The following HOPX variants were observed in gnomAD, a reference collection of about 807,000 sequenced individuals.
The protein encoded by HOPX is HOP homeobox, also known as homeodomain-only protein.
HOPX carries 5 observed loss-of-function variants against 11.8 expected under a neutral mutation model. That is an observed-to-expected ratio of 0.43 (90% CI 0.22 to 0.89). HOPX has a LOEUF of 0.89. Among genes scored for constraint, HOPX ranks in the 40% least tolerant of loss-of-function variants. The pLI is 0.28. For missense variants in HOPX, 119 were observed against 120.0 expected (o/e 0.99, Z 0.04); for synonymous variants, 49 against 49.7 (o/e 0.99, Z 0.06).
intron 2 of HOPX, among the ~76,000 whole-genome samples, chr4:56,657,068 T>C (rs1290618639): frequency 6.6e-6 from 1 of 152,228 alleles, no homozygotes; most frequent in Non-Finnish European, 1.5e-5. Context: ...ACCATTACTC[T>C]AGCAAATTTG....
chr4:56,671,889 C>T (rs1016929809), intron 1 of HOPX, among the ~76,000 whole-genome samples: 22 of 152,010 alleles, frequency 1.4e-4, no homozygotes, highest in African/African-American at 1.9e-4. Flanking sequence ...TTGCTTTAGA[C>T]GTCCATTTCA....
chr4:56,653,839 T>G (rs1441108311), intron 3 of HOPX, among the ~76,000 whole-genome samples: 1 of 152,130 alleles, frequency 6.6e-6, no homozygotes, highest in Non-Finnish European at 1.5e-5. Context: ...TATGCAGAGG[T>G]CTGAATTGGC....
chr4:56,655,728 G>C (rs889576249), intron 3 of HOPX, 129 bp downstream of exon 3: 3 of 1,118,626 alleles, frequency 2.7e-6, no homozygotes, highest in African/African-American at 1.6e-5. Flanking sequence ...CCTGGGATGC[G>C]GGCAGAAGCG....
intron 3 of HOPX, among the ~76,000 whole-genome samples, chr4:56,655,440 C>T (rs1222907600): frequency 6.6e-6 from 1 of 152,200 alleles, no homozygotes; most frequent in African/African-American, 2.4e-5. Context: ...ACATTCCCGC[C>T]TAGAATAGAT....
In HOPX at chr4:56,666,825, G is replaced by A. The variant is rs545842988; in HGVS notation, c.-83-8926C>T. Among the ~76,000 whole-genome samples the A allele has an allele frequency of 7.2e-5, 11 of 152,132 alleles. No homozygotes were observed. The South Asian group carries it at 2.1e-3, about 29-fold the overall frequency. On this transcript the variant is annotated intron_variant, in intron 1 of 3. Transcript: ENST00000420433. ...TTATGAATTCAGAAAAAGTTTTCCC[G>A]AGAAAGAATATTGTAAGTGTGTAGA...
chr4:56,676,021 G>A (rs551033125), intron 1 of HOPX, among the ~76,000 whole-genome samples: 3 of 151,934 alleles, frequency 2.0e-5, no homozygotes, highest in African/African-American at 4.9e-5. Context: ...AGCTGGCCAG[G>A]TGTGGTGGCT....
intron 3 of HOPX, among the ~76,000 whole-genome samples, chr4:56,653,442 A>C (rs1717400027): frequency 6.6e-6 from 1 of 152,188 alleles, no homozygotes; most frequent in Non-Finnish European, 1.5e-5. Context: ...CTCATTCACC[A>C]GTACCCATGG....
chr4:56,649,468 C>T (rs1439596028), intron 3 of HOPX: 1 of 152,242 alleles, frequency 6.6e-6, no homozygotes, highest in African/African-American at 2.4e-5. Flanking sequence ...TAATAGGTAA[C>T]TGAGCGCTGC....
At position 56,650,968 on chromosome 4, in the gene HOPX, G is replaced by A; in HGVS notation, c.199-2171C>T. 4.7e-6 allele frequency: 3 copies of A among 643,546 alleles called. No homozygotes were observed. The South Asian group carries it at 6.9e-5, about 15-fold the overall frequency. 39.9% of individuals were successfully genotyped at this position (643,546 alleles called of 1,614,324 possible). On this transcript the variant is annotated intron_variant, in intron 3 of 3. Transcript: ENST00000420433. ...GCAAGGTTCCAGTTTCATTAATGAG[G>A]TAGCTCTGTGGGGGGTTTCAAGGAT...
At chr4:56,655,391 T>C (rs953727431) in intron 3 of HOPX, among the ~76,000 whole-genome samples, 1 of 152,118 alleles carries the variant, frequency 6.6e-6, no homozygotes, top group African/African-American at 2.4e-5. Flanking sequence ...GAGGACTGAA[T>C]TTATGGCTAG....
chr4:56,679,174 A>G (rs9759948), intron 1 of HOPX: 1 of 152,366 alleles, frequency 6.6e-6, no homozygotes, highest in Non-Finnish European at 1.5e-5. Flanking sequence ...CCTGGGAGGC[A>G]GAGGCTGCAG....
At chr4:56,676,596 GC>G (rs375358041) in intron 1 of HOPX, 6 of 151,120 alleles carry the variant, frequency 4.0e-5, no homozygotes, top group African/African-American at 1.5e-4. Flanking sequence ...ACAGGAAAAA[GC>G]ATTTGGCTTC....
chr4:56,653,616 A>G (rs561472616), intron 3 of HOPX, among the ~76,000 whole-genome samples: 1 of 152,228 alleles, frequency 6.6e-6, no homozygotes, highest in East Asian at 1.9e-4. Flanking sequence ...CTGCAGGTCA[A>G]GGCAGGAAGA....
Position 56,677,848 on chromosome 4 carries a change from G to A in HOPX, c.-84+3407C>T, listed in dbSNP as rs148146570. On this transcript the variant is annotated intron_variant, in intron 1 of 3. Transcript: ENST00000420433. Reference sequence around the variant, plus strand: ...TGGACTGCCAGATAGACTCATCCCAGTGCTGGGAATGCACACATGCTATTT... The same window carrying A: ...TGGACTGCCAGATAGACTCATCCCAATGCTGGGAATGCACACATGCTATTT... Among the ~76,000 whole-genome samples, 12 of 151,842 alleles carry A rather than the reference G, an allele frequency of 7.9e-5. 1 individual carries two copies. Among genetic ancestry groups the A allele is most frequent in the African/African-American group, 2.9e-4 (12 of 41,086 alleles).
At chr4:56,651,850 GAGAGAGAA>G (rs2109457807) in intron 3 of HOPX, among the ~76,000 whole-genome samples, 1 of 118,100 alleles carries the variant, frequency 8.5e-6, no homozygotes, top group African/African-American at 3.7e-5. Flanking sequence ...GAGAAAGGGA[GAGAGAGAA>G]AGAGAGAGAG....
intron 1 of HOPX, chr4:56,665,387 A>G (rs1718373861): frequency 6.6e-6 from 1 of 152,258 alleles, no homozygotes; most frequent in Non-Finnish European, 1.5e-5. Flanking sequence ...CTGGCACTTA[A>G]TATGTGCTCA....
chr4:56,651,867 AGAGAGAGTGTGTGTGTGTGTGTGT>A (rs1444661768), intron 3 of HOPX, among the ~76,000 whole-genome samples: 3 of 128,360 alleles, frequency 2.3e-5, no homozygotes, highest in Admixed American at 1.5e-4. Context: ...AAAGAGAGAG[AGAGAGAGTGTGTGTGTGTGTGTGT>A]GTGTGTGTGT....
chr4:56,654,783 T>TGGCTC (rs1462335136), intron 3 of HOPX, among the ~76,000 whole-genome samples: 1 of 152,216 alleles, frequency 6.6e-6, no homozygotes, highest in Non-Finnish European at 1.5e-5. Context: ...CAACTGAGCA[T>TGGCTC]GGCTCATGGT....
intron 1 of HOPX, chr4:56,659,627 C>T (rs559713934): frequency 1.3e-5 from 2 of 152,348 alleles, no homozygotes; most frequent in South Asian, 4.1e-4. Context: ...CAGTGCTTCT[C>T]AAGCCTGGAT....
Sources: allele counts gnomAD v4.1 joint callset (sites outside exome capture counted in the v4.1 genomes callset), GRCh38; gene constraint gnomAD v4.1.1; transcripts MANE v1.5; gene names NCBI Gene and HGNC (gene_info 2026-07-23, HGNC 2026-07-21).